TBC1D21: variants seen among roughly 807,000 people sequenced by gnomAD.
TBC1D21 encodes the protein TBC1 domain family member 21.
TBC1D21 carries 38 observed loss-of-function variants against 46.0 expected under a neutral mutation model. The ratio of observed to expected loss-of-function variants is 0.83; its 90% CI spans 0.64 to 1.08. The LOEUF (loss-of-function observed/expected upper bound fraction) is 1.08. TBC1D21 is among the 50% of genes least tolerant of loss of function. TBC1D21 has a pLI of 0.00. For missense variants in TBC1D21, 415 were observed against 417.9 expected (o/e 0.99, Z 0.06); for synonymous variants, 151 against 157.2 (o/e 0.96, Z 0.29).
intron 3 of TBC1D21, among the ~76,000 whole-genome samples, chr15:73,883,858 T>C (rs1238874242): frequency 6.6e-6 from 1 of 152,222 alleles, no homozygotes; most frequent in Non-Finnish European, 1.5e-5. Flanking sequence ...TCCCCAAGAC[T>C]TGCCCCCAGT....
chr15:73,876,379 T>C (rs1423311244), intron 1 of TBC1D21, among the ~76,000 whole-genome samples: 2 of 148,154 alleles, frequency 1.3e-5, no homozygotes, highest in Non-Finnish European at 3.0e-5. Flanking sequence ...AGGTGCCCAC[T>C]ACAACACCCG....
chr15:73,902,500 T>C, the TBC1D21 span, among the ~76,000 whole-genome samples: 1 of 152,190 alleles, frequency 6.6e-6, no homozygotes, highest in Non-Finnish European at 1.5e-5. Context: ...CTATGTCACA[T>C]TTCAAGACTT....
the TBC1D21 span, among the ~76,000 whole-genome samples, chr15:73,904,355 G>A: frequency 2.0e-5 from 3 of 152,226 alleles, no homozygotes; most frequent in Non-Finnish European, 2.9e-5. Flanking sequence ...GCCTAGTGGT[G>A]TGCTGAAGTC....
the TBC1D21 span, among the ~76,000 whole-genome samples, chr15:73,902,795 T>C: frequency 6.6e-6 from 1 of 152,204 alleles, no homozygotes; most frequent in South Asian, 2.1e-4. Flanking sequence ...CAATCCACAA[T>C]TCCCAAGGAG....
intron 4 of TBC1D21, 61 bp from the exon 5 acceptor site, chr15:73,884,720 C>CCCCT: frequency 3.2e-6 from 4 of 1,233,124 alleles, no homozygotes; most frequent in Non-Finnish European, 2.4e-6. Context: ...GGAAGAAATT[C>CCCCT]ACCCATAGAC....
In TBC1D21 at chr15:73,884,272, G is replaced by C. The variant is rs1290378128; in HGVS notation, c.367+27G>C. The stretch of plus-strand genomic sequence containing the variant: ...TGAGCAAAGTGGGGTGGAGAGGGCT[G>C]GGCAGAGGGAGGGCTTGAAGCCAAC... On this transcript the variant is annotated intron_variant, in intron 4 of 10. Transcript: ENST00000300504. 4 of 1,605,670 alleles carry C rather than the reference G, an allele frequency of 2.5e-6. No homozygotes were observed. In the African/African-American group the frequency reaches 5.3e-5, roughly 21 times the overall value.
At chr15:73,880,966 T>G (rs1050754721) in intron 1 of TBC1D21, among the ~76,000 whole-genome samples, 1 of 152,162 alleles carries the variant, frequency 6.6e-6, no homozygotes, top group Non-Finnish European at 1.5e-5. Context: ...ACACAATACA[T>G]AGGTATTACT....
chr15:73,907,051 G>A, the TBC1D21 span, among the ~76,000 whole-genome samples: 1 of 152,144 alleles, frequency 6.6e-6, no homozygotes, highest in African/African-American at 2.4e-5. Flanking sequence ...CCCCAGGCCA[G>A]ACAGCAGACA....
In TBC1D21 at chr15:73,888,005, G is replaced by A. The variant is rs2068281926; in HGVS notation, c.894+269G>A. On this transcript the variant is annotated intron_variant, in intron 9 of 10. Coordinates refer to ENST00000300504, the MANE Select transcript of TBC1D21 (RefSeq NM_153356.3). ...TAACACATGAGGAAATGGAGGCCTTGAACACTCCCTAACTATTAAGCTCTA... is the reference window on the plus strand; with the variant it reads ...TAACACATGAGGAAATGGAGGCCTTAAACACTCCCTAACTATTAAGCTCTA... 2.6e-5 allele frequency among the ~76,000 whole-genome samples: 4 copies of A among 152,228 alleles called. No individual in the cohort carries two copies. In the South Asian group the frequency reaches 8.3e-4, roughly 32 times the overall value.
the TBC1D21 span, among the ~76,000 whole-genome samples, chr15:73,904,727 T>C: frequency 6.6e-6 from 1 of 151,902 alleles, no homozygotes; most frequent in Non-Finnish European, 1.5e-5. Context: ...GAGGAGCTCA[T>C]GGGACTGGGG....
chr15:73,891,143 A>C (rs2068333458), downstream of TBC1D21, among the ~76,000 whole-genome samples: 1 of 152,212 alleles, frequency 6.6e-6, no homozygotes, highest in Non-Finnish European at 1.5e-5. Flanking sequence ...GCTGCTATGC[A>C]GGTCCTTAAA....
chr15:73,902,766 G>A, the TBC1D21 span, among the ~76,000 whole-genome samples: 3 of 152,346 alleles, frequency 2.0e-5, no homozygotes, highest in Admixed American at 2.0e-4. Context: ...AATGCTTGTA[G>A]AACTGGGTCA....
rs769637950 is a variant in TBC1D21, at chr15:73,884,207, A to C, written c.329A>C (p.Asn110Thr). 1.2e-6 allele frequency: 2 copies of C among 1,614,112 alleles called. No individual in the cohort carries two copies. The highest frequency in any genetic ancestry group is 4.5e-5 in the East Asian group (2 of 44,896). ...MYEKIQPLLE[N>T]LHRNFTETRN... The stretch of plus-strand genomic sequence containing the variant: ...GAGAAGATTCAGCCCCTTCTGGAAA[A>C]CCTGCACCGGAACTTCACAGAGACT... Residue 110 changes from asparagine to threonine, a missense_variant, in exon 4 of 11, where the codon AAC (asparagine) becomes ACC (threonine). Coordinates refer to ENST00000300504, the MANE Select transcript of TBC1D21 (RefSeq NM_153356.3).
intron 1 of TBC1D21, among the ~76,000 whole-genome samples, chr15:73,879,017 G>T (rs559389812): frequency 1.3e-5 from 2 of 152,290 alleles, no homozygotes; most frequent in East Asian, 3.9e-4. Flanking sequence ...CCCAGGGTTA[G>T]GCCCACACCG....
chr15:73,898,936 T>G, the TBC1D21 span, among the ~76,000 whole-genome samples: 1 of 145,008 alleles, frequency 6.9e-6, no homozygotes, highest in African/African-American at 2.5e-5. Flanking sequence ...CACATATATA[T>G]AGTTTCAATA....
In TBC1D21 at chr15:73,879,438, G is replaced by A. The variant is rs558889749; in HGVS notation, c.61-1961G>A. On this transcript the variant is annotated intron_variant, in intron 1 of 10. Coordinates refer to ENST00000300504, the MANE Select transcript of TBC1D21 (RefSeq NM_153356.3). ...TTATCATGTTGGCCAGGCTGGTCTC[G>A]AACTCCTGACCTCAAGTGATCTGCC... Among the ~76,000 whole-genome samples the A allele has an allele frequency of 1.5e-4, 23 of 152,034 alleles. No individual in the cohort carries two copies. The South Asian group carries it at 1.7e-3, about 11-fold the overall frequency.
intron 6 of TBC1D21, among the ~76,000 whole-genome samples, chr15:73,885,334 C>T (rs1306076060): frequency 6.6e-6 from 1 of 152,186 alleles, no homozygotes; most frequent in Non-Finnish European, 1.5e-5. Flanking sequence ...CACCTCTCAA[C>T]AAACCTTGAA....
At chr15:73,909,818 C>G in the TBC1D21 span, 2 of 152,038 alleles carry the variant, frequency 1.3e-5, no homozygotes, top group Non-Finnish European at 2.9e-5. Context: ...TAGACAAAAC[C>G]AGTCTTCTGG....
At chr15:73,884,713 A>G (rs1338198677) in intron 4 of TBC1D21, 68 bp from the exon 5 acceptor site, 1 of 1,154,684 alleles carries the variant, frequency 8.7e-7, no homozygotes, top group Non-Finnish European at 1.3e-6. Context: ...GGGTAGGGGA[A>G]GAAATTCACC....
Sources: allele counts gnomAD v4.1 joint callset (sites outside exome capture counted in the v4.1 genomes callset), GRCh38; gene constraint gnomAD v4.1.1; transcripts MANE v1.5; gene names NCBI Gene and HGNC (gene_info 2026-07-23, HGNC 2026-07-21).